Variants in USP37 observed in about 807,000 individuals in gnomAD.
USP37 encodes ubiquitin carboxyl-terminal hydrolase 37.
USP37 carries 27 observed loss-of-function variants against 124.0 expected under a neutral mutation model. The observed-to-expected ratio is 0.22, with a 90% CI of 0.16 to 0.30. The LOEUF is 0.30. Ranked by LOEUF, USP37 falls within the 10% of genes least tolerant of loss-of-function variation. The probability of loss-of-function intolerance (pLI) is 1.00; values close to 1 mark genes in which losing one functional copy is unlikely to be tolerated. For missense variants in USP37, 889 were observed against 1,140.4 expected (o/e 0.78, Z 3.17); for synonymous variants, 365 against 388.0 (o/e 0.94, Z 0.70).
intron 3 of USP37, among the ~76,000 whole-genome samples, chr2:218,559,182 A>G (rs146790043): frequency 4.2e-4 from 64 of 152,120 alleles, no homozygotes; most frequent in African/African-American, 1.4e-3. Flanking sequence ...ATGGTGATAC[A>G]CGCCTATAGT....
intron 8 of USP37, among the ~76,000 whole-genome samples, chr2:218,542,312 G>T (rs1182253114): frequency 6.6e-6 from 1 of 152,172 alleles, no homozygotes; most frequent in African/African-American, 2.4e-5. Context: ...CCCAGAACAA[G>T]GATCGGTAAC....
intron 8 of USP37, among the ~76,000 whole-genome samples, chr2:218,542,970 C>T (rs1281327937): frequency 6.6e-6 from 1 of 151,938 alleles, no homozygotes; most frequent in African/African-American, 2.4e-5. Context: ...GTACGAATAC[C>T]GATATTACAG....
intron 20 of USP37, among the ~76,000 whole-genome samples, chr2:218,471,783 T>C (rs1574849808): frequency 6.6e-6 from 1 of 152,094 alleles, no homozygotes; most frequent in African/African-American, 2.4e-5. Context: ...CCTAGCACTT[T>C]GGGAGGCTGA....
chr2:218,471,280 T>C (rs1434007174), intron 20 of USP37, among the ~76,000 whole-genome samples: 1 of 152,194 alleles, frequency 6.6e-6, no homozygotes, highest in Non-Finnish European at 1.5e-5. Context: ...TTATATTTGA[T>C]GATCTAAGTT....
chr2:218,558,814 G>T, intron 3 of USP37, 137 bp from the exon 4 acceptor site: 1 of 643,142 alleles, frequency 1.6e-6, no homozygotes, highest in Non-Finnish European at 2.6e-6. Flanking sequence ...TCTTTGCCAT[G>T]TGTCCAGTAC....
At position 218,488,351 on chromosome 2, in the gene USP37, G is replaced by A. The variant is rs1420053115; in HGVS notation, c.1543C>T (p.Pro515Ser). Residue 515 changes from proline (P) to serine (S), a missense_variant, in exon 15 of 26, where the codon CCA becomes TCA. Transcript: ENST00000258399. ...LSIDLPRRKK[P>S]LPPRSIQDSL... Reference sequence around the variant, plus strand: ...TCTTGAATTGAACGAGGAGGGAGTGGTTTTTTCCTACGAGGAAGGTCAATA... The same window carrying A: ...TCTTGAATTGAACGAGGAGGGAGTGATTTTTTCCTACGAGGAAGGTCAATA... The A allele has an allele frequency of 2.5e-6, 4 of 1,612,920 alleles. No individual in the cohort carries two copies. The highest frequency in any genetic ancestry group is 3.4e-6 in the Non-Finnish European group (4 of 1,179,518).
chr2:218,549,111 T>A (rs1193608678), intron 6 of USP37, among the ~76,000 whole-genome samples: 2 of 152,068 alleles, frequency 1.3e-5, no homozygotes, highest in African/African-American at 4.8e-5. Flanking sequence ...ATCTCAAGAG[T>A]TATGGTTATG....
At chr2:218,472,580 C>T (rs1004162909) in intron 20 of USP37, among the ~76,000 whole-genome samples, 10 of 151,972 alleles carry the variant, frequency 6.6e-5, no homozygotes, top group African/African-American at 2.2e-4. Context: ...AATTCTTCTG[C>T]CTCAGCCTCC....
intron 15 of USP37, chr2:218,485,976 A>G: frequency 4.6e-6 from 2 of 434,218 alleles, no homozygotes; most frequent in East Asian, 3.7e-5. Flanking sequence ...CACCAAGAAT[A>G]TATCTAAATT....
At chr2:218,527,144 G>A (rs1178992789) in intron 10 of USP37, among the ~76,000 whole-genome samples, 2 of 152,110 alleles carry the variant, frequency 1.3e-5, no homozygotes, top group African/African-American at 2.4e-5. Context: ...TCTTGACAAG[G>A]ACTTAGTAGT....
At chr2:218,514,676 T>C (rs1391046224) in intron 10 of USP37, among the ~76,000 whole-genome samples, 2 of 152,248 alleles carry the variant, frequency 1.3e-5, no homozygotes, top group Non-Finnish European at 2.9e-5. Flanking sequence ...TTTGAGACTA[T>C]GCAAATACCC....
At chr2:218,547,155 ATT>A in intron 6 of USP37, 64 bp from the exon 7 acceptor site, 1 of 1,503,816 alleles carries the variant, frequency 6.6e-7, no homozygotes, top group Admixed American at 2.3e-5. Flanking sequence ...TAGAACAGTG[ATT>A]CTCCAATGGA....
chr2:218,456,362 G>C (rs148125500), intron 24 of USP37, among the ~76,000 whole-genome samples: 3 of 151,282 alleles, frequency 2.0e-5, no homozygotes, highest in African/African-American at 4.9e-5. Context: ...GAGGGAGGAG[G>C]ATCTCTTGAG....
intron 8 of USP37, among the ~76,000 whole-genome samples, chr2:218,535,181 T>C (rs1010877394): frequency 1.3e-5 from 2 of 149,398 alleles, no homozygotes; most frequent in African/African-American, 2.5e-5. Flanking sequence ...CTGGCCAACA[T>C]AGTGAAACCC....
At chr2:218,487,731 C>T (rs1281953268) in intron 15 of USP37, among the ~76,000 whole-genome samples, 2 of 151,810 alleles carry the variant, frequency 1.3e-5, no homozygotes, top group Non-Finnish European at 2.9e-5. Context: ...CAAACTATTT[C>T]TAAGATTGTC....
intron 20 of USP37, among the ~76,000 whole-genome samples, chr2:218,467,816 T>C (rs1480382765): frequency 6.6e-6 from 1 of 152,024 alleles, no homozygotes; most frequent in Non-Finnish European, 1.5e-5. Flanking sequence ...TACGGCTAGC[T>C]AAAATAAACA....
At chr2:218,462,247 A>C (rs1402378371) in intron 22 of USP37, among the ~76,000 whole-genome samples, 1 of 152,122 alleles carries the variant, frequency 6.6e-6, no homozygotes, top group Admixed American at 6.6e-5. Context: ...AGGCACAAGA[A>C]TCACTTGAAT....
At chr2:218,458,039 C>CAAAAAAAAAAA (rs34696201) in intron 23 of USP37, among the ~76,000 whole-genome samples, 4 of 90,196 alleles carry the variant, frequency 4.4e-5, no homozygotes, top group African/African-American at 1.8e-4. Flanking sequence ...GACTCTGTCT[C>CAAAAAAAAAAA]AAAAAAAAAA....
intron 5 of USP37, 140 bp downstream of exon 5, chr2:218,553,413 G>T: frequency 1.3e-6 from 1 of 773,990 alleles, no homozygotes; most frequent in Non-Finnish European, 1.8e-6. Context: ...AACTATCTTT[G>T]AATTTCAGGA....
Sources: allele counts gnomAD v4.1 joint callset (sites outside exome capture counted in the v4.1 genomes callset), GRCh38; gene constraint gnomAD v4.1.1; transcripts MANE v1.5; gene names NCBI Gene and HGNC (gene_info 2026-07-23, HGNC 2026-07-21).